Variants in CIMIP7 observed in about 807,000 individuals in gnomAD.
CIMIP7 encodes the protein ciliary microtubule inner protein 7.
chr3:49,188,436 C>T, the CIMIP7 span, among the ~76,000 whole-genome samples: 2 of 152,166 alleles, frequency 1.3e-5, no homozygotes, highest in African/African-American at 4.8e-5. Context: ...CCACACTAGG[C>T]TCCCTTTGTT....
the CIMIP7 span, among the ~76,000 whole-genome samples, chr3:49,186,765 G>C: frequency 1.3e-5 from 2 of 152,090 alleles, no homozygotes; most frequent in African/African-American, 4.8e-5. Flanking sequence ...CACGCACGCA[G>C]AAGTAAAACT....
the CIMIP7 span, among the ~76,000 whole-genome samples, chr3:49,182,483 T>C: frequency 6.6e-6 from 1 of 152,190 alleles, no homozygotes; most frequent in South Asian, 2.1e-4. Context: ...AGGGTGCTGA[T>C]TGGTGTGTTT....
chr3:49,177,784 C>T, the CIMIP7 span: 2 of 1,611,312 alleles, frequency 1.2e-6, no homozygotes, highest in East Asian at 2.2e-5. Context: ...CTTGTAGCTG[C>T]CATAGTGGCC....
chr3:49,190,118 C>A, the CIMIP7 span: 1 of 1,604,284 alleles, frequency 6.2e-7, no homozygotes, highest in Non-Finnish European at 8.5e-7. Flanking sequence ...TTCTGTAGTG[C>A]CCATAGAAGC....
At chr3:49,177,648 G>C in the CIMIP7 span, 5 of 1,584,128 alleles carry the variant, frequency 3.2e-6, no homozygotes, top group Non-Finnish European at 4.3e-6. Context: ...AGCTGTCCTT[G>C]TTTAATGCTC....
At chr3:49,181,746 T>C in the CIMIP7 span, among the ~76,000 whole-genome samples, 282 of 152,294 alleles carry the variant, frequency 1.9e-3, 8 homozygotes, top group East Asian at 0.028. Context: ...TGGACAAACA[T>C]GAAGACATCT....
the CIMIP7 span, among the ~76,000 whole-genome samples, chr3:49,185,247 C>A: frequency 1.4e-5 from 2 of 143,720 alleles, no homozygotes; most frequent in African/African-American, 5.2e-5. Flanking sequence ...GGTGACAGAG[C>A]AAGACTCTGT....
the CIMIP7 span, among the ~76,000 whole-genome samples, chr3:49,187,360 T>C: frequency 6.6e-6 from 1 of 152,206 alleles, no homozygotes; most frequent in South Asian, 2.1e-4. Context: ...AGTGGGCTTC[T>C]TTGGAAGGGG....
the CIMIP7 span, chr3:49,189,933 C>T: frequency 4.4e-6 from 4 of 904,846 alleles, no homozygotes; most frequent in Non-Finnish European, 7.5e-6. Context: ...GGTGTCAGTA[C>T]AGCCATGGAA....
At chr3:49,188,354 A>G in the CIMIP7 span, among the ~76,000 whole-genome samples, 1 of 152,154 alleles carries the variant, frequency 6.6e-6, no homozygotes, top group Non-Finnish European at 1.5e-5. Flanking sequence ...TACCTGTTTT[A>G]GGCACCCCTT....
the CIMIP7 span, among the ~76,000 whole-genome samples, chr3:49,186,300 C>T: frequency 6.6e-6 from 1 of 151,946 alleles, no homozygotes; most frequent in South Asian, 2.1e-4. Context: ...TGCAGTGTTG[C>T]GATCTCAGCT....
the CIMIP7 span, among the ~76,000 whole-genome samples, chr3:49,182,910 G>C: frequency 1.3e-5 from 2 of 152,294 alleles, no homozygotes; most frequent in East Asian, 3.9e-4. Context: ...CAGCCACTCC[G>C]AGTGCAGCCC....
the CIMIP7 span, chr3:49,177,684 C>G: frequency 6.2e-7 from 1 of 1,608,890 alleles, no homozygotes; most frequent in Non-Finnish European, 8.5e-7. Context: ...ACTCAGAGAC[C>G]CCAGCATGAA....
the CIMIP7 span, chr3:49,191,538 T>C: frequency 1.5e-6 from 1 of 687,220 alleles, no homozygotes; most frequent in South Asian, 1.5e-5. Flanking sequence ...CAGGAGACCA[T>C]GATGCATGGA....
At chr3:49,182,422 A>G in the CIMIP7 span, among the ~76,000 whole-genome samples, 1 of 152,242 alleles carries the variant, frequency 6.6e-6, no homozygotes, top group Non-Finnish European at 1.5e-5. Flanking sequence ...CCACCAGAGT[A>G]GCTAGATACA....
the CIMIP7 span, among the ~76,000 whole-genome samples, chr3:49,181,761 AAAG>A: frequency 2.6e-5 from 4 of 152,250 alleles, no homozygotes; most frequent in Admixed American, 6.5e-5. Context: ...ACATCTAACC[AAAG>A]AAGATTTACA....
At chr3:49,179,394 A>G in the CIMIP7 span, among the ~76,000 whole-genome samples, 1 of 152,140 alleles carries the variant, frequency 6.6e-6, no homozygotes, top group Non-Finnish European at 1.5e-5. Context: ...TAGTACATAA[A>G]TGAGATCACA....
chr3:49,186,245 C>T, the CIMIP7 span, among the ~76,000 whole-genome samples: 1 of 151,818 alleles, frequency 6.6e-6, no homozygotes, highest in Non-Finnish European at 1.5e-5. Context: ...GTGATACACC[C>T]GCCTTGGCCT....
At chr3:49,191,710 C>G in the CIMIP7 span, 5 of 1,593,580 alleles carry the variant, frequency 3.1e-6, no homozygotes, top group Non-Finnish European at 3.4e-6. Flanking sequence ...AACCAGAGGG[C>G]CAGGGGCCAG....
Sources: allele counts gnomAD v4.1 joint callset (sites outside exome capture counted in the v4.1 genomes callset), GRCh38; gene constraint gnomAD v4.1.1; transcripts MANE v1.5; gene names NCBI Gene and HGNC (gene_info 2026-07-23, HGNC 2026-07-21).